IL1RAPL2: variants seen among roughly 807,000 people sequenced by gnomAD.
IL1RAPL2 encodes the protein interleukin 1 receptor accessory protein like 2.
In IL1RAPL2, 3 loss-of-function variants were observed where a neutral mutation model predicts 44.1. The ratio of observed to expected loss-of-function variants is 0.07; its 90% CI spans 0.03 to 0.18. The LOEUF (loss-of-function observed/expected upper bound fraction) is 0.18. Ranked by LOEUF, IL1RAPL2 falls within the 10% of genes least tolerant of loss-of-function variation. The probability of loss-of-function intolerance (pLI) is 1.00; values close to 1 mark genes in which losing one functional copy is unlikely to be tolerated. For missense variants in IL1RAPL2, 391 were observed against 496.4 expected, an observed-to-expected ratio of 0.79 and a Z score of 2.02; for synonymous variants, 181 against 178.8, an observed-to-expected ratio of 1.01 and a Z score of -0.10.
chrX:105,226,884 G>A (rs905781460), intron 3 of IL1RAPL2, among the ~76,000 whole-genome samples: 10 of 110,530 alleles, frequency 9.0e-5, no homozygotes, highest in African/African-American at 3.3e-4. Flanking sequence ...TTATCAAGCA[G>A]TAAGCTACTC....
intron 1 of IL1RAPL2, among the ~76,000 whole-genome samples, chrX:104,605,609 A>G (rs1928991302): frequency 8.9e-6 from 1 of 112,014 alleles, no homozygotes; most frequent in Non-Finnish European, 1.9e-5. Context: ...AGAATCAAAT[A>G]GATGCAATAA....
At chrX:104,685,049 G>A (rs1374995027) in intron 2 of IL1RAPL2, among the ~76,000 whole-genome samples, 1 of 112,486 alleles carries the variant, frequency 8.9e-6, no homozygotes, top group Non-Finnish European at 1.9e-5. Context: ...CAGGAAGGGA[G>A]TGGGTAGATT....
At chrX:104,909,395 G>A (rs752841591) in intron 2 of IL1RAPL2, among the ~76,000 whole-genome samples, 55 of 107,624 alleles carry the variant, frequency 5.1e-4, no homozygotes, top group African/African-American at 1.6e-3. Flanking sequence ...GAGGAATTGC[G>A]TTCCTTTGGA....
chrX:105,092,171 A>G (rs1251457859), intron 2 of IL1RAPL2, among the ~76,000 whole-genome samples: 1 of 110,949 alleles, frequency 9.0e-6, no homozygotes, highest in East Asian at 2.8e-4. Context: ...TTTACAAAGA[A>G]TTACGGCCAA....
intron 10 of IL1RAPL2, among the ~76,000 whole-genome samples, chrX:105,764,912 G>C (rs2038717525): frequency 8.9e-6 from 1 of 112,166 alleles, no homozygotes; most frequent in Non-Finnish European, 1.9e-5. Context: ...TTACTGACAA[G>C]GTTTGTACAA....
At chrX:104,691,924 T>C (rs1931097700) in intron 2 of IL1RAPL2, among the ~76,000 whole-genome samples, 1 of 111,250 alleles carries the variant, frequency 9.0e-6, no homozygotes, top group Admixed American at 9.6e-5. Context: ...AGTCAGGTCT[T>C]CTCAAGCACC....
intron 6 of IL1RAPL2, among the ~76,000 whole-genome samples, chrX:105,702,517 A>G (rs946259668): frequency 1.8e-5 from 2 of 112,010 alleles, no homozygotes; most frequent in Non-Finnish European, 3.8e-5. Flanking sequence ...AATAAAAATA[A>G]CAACCCCTCA....
At chrX:104,792,206 T>C (rs1759568867) in intron 2 of IL1RAPL2, among the ~76,000 whole-genome samples, 1 of 111,240 alleles carries the variant, frequency 9.0e-6, no homozygotes, top group Admixed American at 9.6e-5. Context: ...ACTTCATAAG[T>C]AGCAGATCTT....
chrX:105,339,632 A>C (rs757187154), intron 5 of IL1RAPL2, among the ~76,000 whole-genome samples: 45 of 111,661 alleles, frequency 4.0e-4, no homozygotes, highest in African/African-American at 1.5e-3. Context: ...TACCAGGCTA[A>C]GCACAGAGCA....
chrX:105,313,061 T>C (rs1202837940), intron 5 of IL1RAPL2, among the ~76,000 whole-genome samples: 1 of 111,661 alleles, frequency 9.0e-6, no homozygotes, highest in Non-Finnish European at 1.9e-5. Flanking sequence ...TTCATTCAAA[T>C]ACACTGACAT....
chrX:105,173,698 G>C (rs1403987906), intron 2 of IL1RAPL2, among the ~76,000 whole-genome samples: 3 of 110,037 alleles, frequency 2.7e-5, no homozygotes, highest in Non-Finnish European at 5.7e-5. Flanking sequence ...TGATGTTGAG[G>C]TGTTATACCT....
At chrX:105,256,002 C>G (rs1268709438) in intron 4 of IL1RAPL2, among the ~76,000 whole-genome samples, 1 of 111,920 alleles carries the variant, frequency 8.9e-6, no homozygotes, top group African/African-American at 3.3e-5. Flanking sequence ...AGGGATGAAG[C>G]CTACTTGATC....
chrX:105,662,240 C>T (rs1464371090), intron 6 of IL1RAPL2, among the ~76,000 whole-genome samples: 1 of 112,311 alleles, frequency 8.9e-6, no homozygotes, highest in Non-Finnish European at 1.9e-5. Flanking sequence ...GTGATACTTA[C>T]AGAATGCTCA....
intron 6 of IL1RAPL2, among the ~76,000 whole-genome samples, chrX:105,704,991 C>T (rs1005167044): frequency 3.6e-5 from 4 of 111,351 alleles, no homozygotes; most frequent in African/African-American, 1.3e-4. Flanking sequence ...TTCCTTCTTG[C>T]TGTATCTTCA....
At chrX:104,941,389 G>A (rs1012974790) in intron 2 of IL1RAPL2, among the ~76,000 whole-genome samples, 1 of 111,120 alleles carries the variant, frequency 9.0e-6, no homozygotes, top group African/African-American at 3.3e-5. Context: ...TTTAATGATC[G>A]CCATTCTAAC....
intron 6 of IL1RAPL2, among the ~76,000 whole-genome samples, chrX:105,601,692 C>A (rs1297166318): frequency 9.0e-6 from 1 of 110,784 alleles, no homozygotes; most frequent in Non-Finnish European, 1.9e-5. Context: ...CCCCTCTCAG[C>A]CCCTTGGGAG....
At chrX:105,638,230 A>G (rs1355555772) in intron 6 of IL1RAPL2, among the ~76,000 whole-genome samples, 1 of 111,810 alleles carries the variant, frequency 8.9e-6, no homozygotes, top group Non-Finnish European at 1.9e-5. Context: ...GTACTAGAAG[A>G]CATTATGGAA....
chrX:105,425,555 G>A (rs749033488), intron 5 of IL1RAPL2, among the ~76,000 whole-genome samples: 84 of 100,976 alleles, frequency 8.3e-4, no homozygotes, highest in African/African-American at 3.0e-3. Flanking sequence ...AATGACACTT[G>A]CCAGTTTTTT....
At chrX:105,406,436 G>T (rs1281424610) in intron 5 of IL1RAPL2, 2 of 1,153,779 alleles carry the variant, frequency 1.7e-6, no homozygotes, top group East Asian at 6.0e-5. Context: ...CCTGGAAGTG[G>T]CAATAAAGAA....
Sources: allele counts gnomAD v4.1 joint callset (sites outside exome capture counted in the v4.1 genomes callset), GRCh38; gene constraint gnomAD v4.1.1; transcripts MANE v1.5; gene names NCBI Gene and HGNC (gene_info 2026-07-23, HGNC 2026-07-21).